SRCAP: variants seen among roughly 807,000 people sequenced by gnomAD.
The protein encoded by SRCAP is chromatin remodeling protein SRCAP.
In SRCAP, 46 loss-of-function variants were observed where a neutral mutation model predicts 263.1. The observed-to-expected ratio is 0.17, with a 90% CI of 0.14 to 0.22. SRCAP has a LOEUF of 0.22. SRCAP is among the 10% of genes least tolerant of loss of function. The pLI is 1.00. For synonymous variants in SRCAP, 1,813 were observed against 1,662.1 expected, an observed-to-expected ratio of 1.09 and a Z score of -2.21; for missense variants, 3,695 against 4,181.9, an observed-to-expected ratio of 0.88 and a Z score of 3.21.
chr16:30,712,366 T>G lies in SRCAP; in HGVS notation c.1920T>G (p.Ile640Met). 1 of 1,613,448 alleles carries G rather than the reference T, an allele frequency of 6.2e-7. No individual in the cohort carries two copies. The highest frequency in any genetic ancestry group is 1.7e-5 in the Admixed American group (1 of 59,858). The change falls in exon 13 of 34, where the codon ATT becomes ATG. Residue 640 changes from isoleucine (I) to methionine (M), a missense_variant. Around this residue, in one of 12 missense-constraint regions of SRCAP, gnomAD observed 121 missense variants for 330.7 expected, o/e 0.37. Transcript: ENST00000262518. ...VTMYEKKLNG[I>M]LADEMGLGKT... ...TGTATGAGAAGAAGCTTAATGGCAT[T>G]CTTGCTGATGAGATGGGGCTTGGGA...
Position 30,736,588 on chromosome 16 carries a change from G to A in SRCAP, c.6972G>A (p.Leu2324=), listed in dbSNP as rs1235183778. The change falls in exon 33 of 34, where the codon CTG becomes CTA. Residue 2324 remains leucine (L), a synonymous_variant. Transcript: ENST00000262518. ...RYAMKFLEAS[L]EEVSREELKQ... is the part of the protein sequence containing the mutation. ...CCATGAAATTCCTGGAGGCCTCACT[G>A]GAGGAGGTGAGCCGAGAGGAGCTCA... 1 of 1,614,240 alleles carries A rather than the reference G, an allele frequency of 6.2e-7. No homozygotes were observed. Among genetic ancestry groups the A allele is most frequent in the Non-Finnish European group, 8.5e-7 (1 of 1,180,048 alleles).
Position 30,738,866 on chromosome 16 carries a change from C to T in SRCAP, c.8826C>T (p.Pro2942=), listed in dbSNP as rs1596669752. The T allele has an allele frequency of 6.2e-7, 1 of 1,614,162 alleles. No homozygotes were observed. The highest frequency in any genetic ancestry group is 1.1e-5 in the South Asian group (1 of 91,084). Residue 2942 remains proline, a synonymous_variant, in exon 34 of 34, where the codon CCC becomes CCT. Transcript: ENST00000262518. ...TGGAGAAAAGAAGGCGAGGACGACC[C>T]CCTAAAGCACGAGATTTGCCCATCC... The part of the protein sequence containing the change: ...SPVEKRRRGR[P]PKARDLPIPG...
Position 30,737,144 on chromosome 16 carries a change from T to C in SRCAP, c.7104T>C (p.Asp2368=). ...QEEEEGPGAG[D]ESSCGTGGGT... ...AGGAGGAGGGGCCGGGGGCTGGGGA[T>C]GAGAGTTCCTGTGGGACTGGTGGAG... Residue 2368 remains aspartate (D), a synonymous_variant, in exon 34 of 34, where the codon GAT becomes GAC. Transcript: ENST00000262518. 1 of 1,613,712 alleles carries C rather than the reference T, an allele frequency of 6.2e-7. No individual in the cohort carries two copies. Among genetic ancestry groups the C allele is most frequent in the Middle Eastern group, 1.6e-4 (1 of 6,062 alleles).
In SRCAP at chr16:30,733,803, T is replaced by C. The variant is rs766371562; in HGVS notation, c.6494+5T>C. On this transcript the variant is annotated splice_donor_5th_base_variant and intron_variant, in intron 29 of 33. Transcript: ENST00000262518. This position sits in a 1 kb window ranked among gnomAD's most constrained non-coding sequence, Gnocchi z 5.3. ...CCGGGATGTCCACATATATAGGTAT[T>C]GCCTAGTCTTCCCTCACCTTACTTT... is the stretch of plus-strand genomic sequence containing the variant. 4 of 1,612,526 alleles carry C rather than the reference T, an allele frequency of 2.5e-6. No individual in the cohort carries two copies. The highest frequency in any genetic ancestry group is 1.7e-4 in the Middle Eastern group (1 of 6,056).
chr16:30,701,885 G>A (rs2052770736), intron 3 of SRCAP, among the ~76,000 whole-genome samples: 1 of 151,252 alleles, frequency 6.6e-6, no homozygotes, highest in South Asian at 2.1e-4. Context: ...ACCCACCTTG[G>A]CCTCCCAAAG....
At chr16:30,735,705 T>C (rs1163192635) in intron 31 of SRCAP, among the ~76,000 whole-genome samples, 1 of 150,790 alleles carries the variant, frequency 6.6e-6, no homozygotes, top group Non-Finnish European at 1.5e-5. Context: ...CTCAGCCTCC[T>C]GTGTAGCTGG....
intron 1 of SRCAP, 147 bp from the exon 2 acceptor site, chr16:30,699,761 A>G (rs1440822146): frequency 6.6e-6 from 1 of 152,264 alleles, no homozygotes; most frequent in Non-Finnish European, 1.5e-5. Flanking sequence ...GTCCCTCCGG[A>G]ATTCACAAAA....
At chr16:30,717,603 A>C (rs1328755807) in intron 18 of SRCAP, among the ~76,000 whole-genome samples, 2 of 133,694 alleles carry the variant, frequency 1.5e-5, no homozygotes, top group Non-Finnish European at 3.1e-5. Context: ...TGCGCTACCA[A>C]GCCTGGCTTT....
rs2053186150 is a variant in SRCAP, at chr16:30,738,608, G to A, written c.8568G>A (p.Val2856=). 3 of 1,603,216 alleles carry A rather than the reference G, an allele frequency of 1.9e-6. No homozygotes were observed. The African/African-American group carries it at 4.0e-5, about 22-fold the overall frequency. ...GALLAITPPA[V]KRRRGRPPKK... The stretch of plus-strand genomic sequence containing the variant: ...TGCTCGCCATCACCCCACCTGCTGT[G>A]AAACGTCGGAGGGGGAGGCCCCCCA... The change falls in exon 34 of 34, where the codon GTG becomes GTA. Residue 2856 remains valine (V), a synonymous_variant. Transcript: ENST00000262518.
chr16:30,707,504 A>G lies in SRCAP; in HGVS notation c.493-68A>G. 3.1e-6 allele frequency: 5 copies of G among 1,605,892 alleles called. No individual in the cohort carries two copies. In the South Asian group the frequency reaches 5.5e-5, roughly 18 times the overall value. On this transcript the variant is annotated intron_variant, in intron 5 of 33. Coordinates refer to ENST00000262518, the MANE Select transcript of SRCAP (RefSeq NM_006662.3). ...TTTTCCAGATTTCTTGGCCTTGATT[A>G]TTTTCTTTGCCTTTGGGTGGGGAAG...
In SRCAP at chr16:30,707,685, C is replaced by T. The variant is rs762595769; in HGVS notation, c.606C>T (p.Val202=). The change falls in exon 6 of 34, where the codon GTC becomes GTT. Residue 202 remains valine, a synonymous_variant. Coordinates refer to ENST00000262518, the MANE Select transcript of SRCAP (RefSeq NM_006662.3). ...TTGCTTCCACCATGGCCAAGGATGT[C>T]AGGCAGTTCTGGAGCAATGTGGAGA... The part of the protein sequence containing the change: ...RRIASTMAKD[V]RQFWSNVEKV... 3.3e-5 allele frequency: 53 copies of T among 1,614,136 alleles called. No homozygotes were observed. The South Asian group carries it at 5.7e-4, about 17-fold the overall frequency.
At chr16:30,701,636 CTT>C (rs35698444) in intron 3 of SRCAP, among the ~76,000 whole-genome samples, 26 of 136,688 alleles carry the variant, frequency 1.9e-4, no homozygotes, top group Admixed American at 2.2e-4. Context: ...TTTTTCTTTT[CTT>C]TTTTTTTTTT....
rs144963691 is a variant in SRCAP at position 30,738,129 on chromosome 16, G to A, written c.8089G>A (p.Glu2697Lys). ...PEKPQELVTAEVAAPSTSSSA... is the reference protein window; with the variant it reads ...PEKPQELVTAKVAAPSTSSSA... Reference sequence around the variant, plus strand: ...GAAGCCACAGGAACTCGTTACAGCTGAGGTTGCAGCTCCATCCACCTCATC... The same window carrying A: ...GAAGCCACAGGAACTCGTTACAGCTAAGGTTGCAGCTCCATCCACCTCATC... Residue 2697 changes from glutamate (E) to lysine (K), a missense_variant, in exon 34 of 34, where the codon GAG (glutamate) becomes AAG (lysine). Around this residue, in one of 12 missense-constraint regions of SRCAP, gnomAD observed 1,207 missense variants for 1,142.9 expected, o/e 1.06. Transcript: ENST00000262518. 1 of 1,614,018 alleles carries A rather than the reference G, an allele frequency of 6.2e-7. No homozygotes were observed. The highest frequency in any genetic ancestry group is 1.3e-5 in the African/African-American group (1 of 74,906).
chr16:30,712,897 C>T (rs2052906449), intron 14 of SRCAP, 82 bp downstream of exon 14: 5 of 1,513,740 alleles, frequency 3.3e-6, no homozygotes, highest in Non-Finnish European at 4.4e-6. Context: ...ATTCCTTTCT[C>T]TCCTCTTTCT....
intron 27 of SRCAP, among the ~76,000 whole-genome samples, chr16:30,732,393 G>A (rs2053122028): frequency 6.6e-6 from 1 of 151,684 alleles, no homozygotes; most frequent in Admixed American, 6.6e-5. Flanking sequence ...GGAGGTTGCC[G>A]TGAGCTGAGA....
At position 30,711,620 on chromosome 16, in the gene SRCAP, C is replaced by T. The variant is rs2151288345; in HGVS notation, c.1368C>T (p.Ala456=). The T allele has an allele frequency of 6.2e-7, 1 of 1,613,264 alleles. No homozygotes were observed. Among genetic ancestry groups the T allele is most frequent in the East Asian group, 2.2e-5 (1 of 44,860 alleles). The change falls in exon 11 of 34, where the codon GCC becomes GCT. Residue 456 remains alanine (A), a synonymous_variant. Coordinates refer to ENST00000262518, the MANE Select transcript of SRCAP (RefSeq NM_006662.3). ...ELLQQYAGAY[A]PGSGSSEDED... is the part of the protein sequence containing the mutation. ...TGCAGCAGTATGCAGGAGCCTATGC[C>T]CCAGGCTCTGGGAGCAGTGAAGATG... is the stretch of plus-strand genomic sequence containing the variant.
chr16:30,723,124 C>T lies in SRCAP; in HGVS notation c.4054C>T (p.Arg1352Trp), dbSNP rs773094484. ...LNPRPTLTPG[R>W]LPTPTLGTAR... ...TCCACGCCCCACGTTAACCCCTGGC[C>T]GGCTACCCACACCTACTCTGGGTAC... Residue 1352 changes from arginine (R) to tryptophan (W), a missense_variant, in exon 24 of 34, where the codon CGG becomes TGG. Around this residue, in one of 12 missense-constraint regions of SRCAP, gnomAD observed 1,347 missense variants for 1,304.4 expected, o/e 1.03. Transcript: ENST00000262518. 16 of 1,613,958 alleles carry T rather than the reference C, an allele frequency of 9.9e-6. No homozygotes were observed. Among genetic ancestry groups the T allele is most frequent in the South Asian group, 5.5e-5 (5 of 91,082 alleles).
At chr16:30,732,998 G>C (rs533005606) in intron 27 of SRCAP, among the ~76,000 whole-genome samples, 1 of 152,192 alleles carries the variant, frequency 6.6e-6, no homozygotes, top group Non-Finnish European at 1.5e-5. Context: ...ATCACGCCCA[G>C]CTAATTTTTG....
chr16:30,703,534 GTCA>G (rs1157434357), intron 3 of SRCAP, among the ~76,000 whole-genome samples: 1 of 151,754 alleles, frequency 6.6e-6, no homozygotes, highest in Non-Finnish European at 1.5e-5. Flanking sequence ...CTGTGTAAAT[GTCA>G]GGACATAATT....
Sources: allele counts gnomAD v4.1 joint callset (sites outside exome capture counted in the v4.1 genomes callset), GRCh38; gene constraint gnomAD v4.1.1; regional missense constraint gnomAD v4.1.1; non-coding constraint Gnocchi (gnomAD v3.1); transcripts MANE v1.5; gene names NCBI Gene and HGNC (gene_info 2026-07-23, HGNC 2026-07-21).